GRIN2A: variants seen among roughly 807,000 people sequenced by gnomAD.
GRIN2A encodes glutamate ionotropic receptor NMDA type subunit 2A, also known as glutamate receptor ionotropic, NMDA 2A.
A neutral mutation model predicts 113.4 loss-of-function variants in GRIN2A; 22 were observed. That is an observed-to-expected ratio of 0.19 (90% CI 0.14 to 0.28). The LOEUF (loss-of-function observed/expected upper bound fraction) is 0.28, where lower values mean the gene tolerates loss of function less well. Ranked by LOEUF, GRIN2A falls within the 10% of genes least tolerant of loss-of-function variation. GRIN2A has a pLI of 1.00. For missense variants in GRIN2A, 1,502 were observed against 1,887.0 expected, an observed-to-expected ratio of 0.80 and a Z score of 3.78; for synonymous variants, 827 against 738.4, an observed-to-expected ratio of 1.12 and a Z score of -1.94.
At chr16:10,163,788 C>G (rs2142333184) in intron 2 of GRIN2A, among the ~76,000 whole-genome samples, 1 of 152,268 alleles carries the variant, frequency 6.6e-6, no homozygotes, top group East Asian at 1.9e-4. Flanking sequence ...TAATATCAAA[C>G]ATAAATCTCT....
At chr16:10,104,565 A>G (rs886162248) in intron 2 of GRIN2A, among the ~76,000 whole-genome samples, 1 of 152,186 alleles carries the variant, frequency 6.6e-6, no homozygotes, top group African/African-American at 2.4e-5. Flanking sequence ...AGCTTGCACG[A>G]GCACAATTTT....
intron 2 of GRIN2A, among the ~76,000 whole-genome samples, chr16:10,078,748 G>A (rs1402593534): frequency 6.6e-6 from 1 of 152,168 alleles, no homozygotes; most frequent in East Asian, 1.9e-4. Context: ...CAGGCCAAGA[G>A]AGGTGAGAAG....
chr16:9,962,456 A>G (rs13332210), intron 2 of GRIN2A, among the ~76,000 whole-genome samples: 1,674 of 152,318 alleles, frequency 0.011, 25 homozygotes, highest in African/African-American at 0.039. Context: ...GGCAAAGGAT[A>G]TGAACAGACA....
chr16:10,134,940 A>C (rs1190143039), intron 2 of GRIN2A, among the ~76,000 whole-genome samples: 2 of 2,758 alleles, frequency 7.3e-4, no homozygotes, highest in Non-Finnish European at 9.6e-4. Context: ...ACGAACTAGC[A>C]AAAAAAAACT....
intron 2 of GRIN2A, among the ~76,000 whole-genome samples, chr16:10,179,109 T>C (rs1390621215): frequency 2.0e-5 from 3 of 152,018 alleles, no homozygotes; most frequent in Non-Finnish European, 4.4e-5. Context: ...TCTTCAAATC[T>C]CTCTCCCTTC....
intron 2 of GRIN2A, among the ~76,000 whole-genome samples, chr16:10,015,046 G>C (rs966282752): frequency 6.6e-6 from 1 of 151,890 alleles, no homozygotes; most frequent in African/African-American, 2.4e-5. Flanking sequence ...CTGAGATCAG[G>C]AGTTCGGGAC....
At chr16:9,968,278 ATGTATGTAT>A (rs1157252169) in intron 2 of GRIN2A, among the ~76,000 whole-genome samples, 23 of 72,564 alleles carry the variant, frequency 3.2e-4, no homozygotes, top group African/African-American at 1.2e-3. Flanking sequence ...GTATGTATGT[ATGTATGTAT>A]GTATGTATGT....
At chr16:9,786,184 G>C (rs147055331) in intron 11 of GRIN2A, among the ~76,000 whole-genome samples, 157 of 152,298 alleles carry the variant, frequency 1.0e-3, no homozygotes, top group African/African-American at 3.7e-3. Flanking sequence ...AGCTCTGTGG[G>C]GAACAAGCAA....
intron 2 of GRIN2A, among the ~76,000 whole-genome samples, chr16:10,108,356 C>T (rs1171673648): frequency 3.3e-5 from 5 of 152,198 alleles, no homozygotes; most frequent in African/African-American, 9.6e-5. Context: ...GATCCACCCC[C>T]ATGATTCAGT....
chr16:9,967,134 A>T (rs1418158660), intron 2 of GRIN2A, among the ~76,000 whole-genome samples: 1 of 152,006 alleles, frequency 6.6e-6, no homozygotes, highest in African/African-American at 2.4e-5. Context: ...TCTTCCTGCG[A>T]CTCTGTGGTA....
chr16:9,812,795 G>A (rs1021402649), intron 10 of GRIN2A, among the ~76,000 whole-genome samples: 1 of 152,202 alleles, frequency 6.6e-6, no homozygotes, highest in East Asian at 1.9e-4. Context: ...TACACATACG[G>A]ATAAAGCAAT....
chr16:9,968,543 C>A lies in GRIN2A; in HGVS notation c.415-29992G>T, dbSNP rs555036445. Among the ~76,000 whole-genome samples the A allele has an allele frequency of 2.6e-5, 4 of 152,184 alleles. No individual in the cohort carries two copies. The East Asian group carries it at 7.7e-4, about 29-fold the overall frequency. On this transcript the variant is annotated intron_variant, in intron 2 of 12. Transcript: ENST00000330684. ...GGCCAGGATGGTCTCGAACTCCTGA[C>A]CTCAGGTGATCCACCCACCTCGGCC...
At chr16:10,092,001 G>A (rs2048192567) in intron 2 of GRIN2A, among the ~76,000 whole-genome samples, 1 of 152,156 alleles carries the variant, frequency 6.6e-6, no homozygotes, top group African/African-American at 2.4e-5. Context: ...TACAATGAGT[G>A]CATTTTATGA....
chr16:9,836,607 A>C (rs112061751), intron 7 of GRIN2A, among the ~76,000 whole-genome samples: 8 of 152,334 alleles, frequency 5.3e-5, no homozygotes, highest in African/African-American at 1.9e-4. Context: ...TTAACTTGTG[A>C]GCACAGCACG....
chr16:9,771,929 C>T (rs1901297308), intron 11 of GRIN2A, among the ~76,000 whole-genome samples: 1 of 152,140 alleles, frequency 6.6e-6, no homozygotes, highest in African/African-American at 2.4e-5. Flanking sequence ...ATTTTCTTCA[C>T]TTTGATGGAC....
At chr16:9,847,172 A>G (rs1364282648) in intron 5 of GRIN2A, among the ~76,000 whole-genome samples, 1 of 152,172 alleles carries the variant, frequency 6.6e-6, no homozygotes, top group Non-Finnish European at 1.5e-5. Flanking sequence ...AGAAGCATAG[A>G]TCTGGGATCT....
intron 12 of GRIN2A, among the ~76,000 whole-genome samples, chr16:9,765,275 T>G (rs962560081): frequency 6.6e-6 from 1 of 152,186 alleles, no homozygotes; most frequent in African/African-American, 2.4e-5. Flanking sequence ...AACAGATAAC[T>G]GAGCCTCCCA....
chr16:9,787,009 T>C (rs1013832689), intron 11 of GRIN2A, among the ~76,000 whole-genome samples: 5 of 152,182 alleles, frequency 3.3e-5, no homozygotes, highest in African/African-American at 9.7e-5. Flanking sequence ...GTTTCCAACT[T>C]TGGCAGAACA....
intron 2 of GRIN2A, among the ~76,000 whole-genome samples, chr16:10,000,562 T>C (rs1457348896): frequency 6.6e-6 from 1 of 152,034 alleles, no homozygotes; most frequent in East Asian, 1.9e-4. Flanking sequence ...TATAGAGTCC[T>C]TTAAGGTACT....
Sources: gnomAD v4.1 joint callset for allele counts (sites outside exome capture counted in the v4.1 genomes callset) on GRCh38, gnomAD v4.1.1 for gene constraint, MANE v1.5 for transcripts, NCBI Gene and HGNC (gene_info 2026-07-23, HGNC 2026-07-21) for gene names.